WWOX: variants seen among roughly 807,000 people sequenced by gnomAD.
WWOX encodes the protein WW domain-containing oxidoreductase.
Under a neutral mutation model 46.2 loss-of-function variants are expected in WWOX, and 69 were observed. That is an observed-to-expected ratio of 1.49 (90% CI 1.23 to 1.82). WWOX has a LOEUF of 1.82. WWOX is among the 40% of genes most tolerant of loss of function. The pLI is 0.00. For missense variants in WWOX, 919 were observed against 542.6 expected, an observed-to-expected ratio of 1.69 and a Z score of -6.89; for synonymous variants, 359 against 202.6, an observed-to-expected ratio of 1.77 and a Z score of -6.56.
At chr16:79,067,000 C>T (rs1484253346) in intron 8 of WWOX, among the ~76,000 whole-genome samples, 4 of 152,192 alleles carry the variant, frequency 2.6e-5, no homozygotes, top group African/African-American at 9.6e-5. Flanking sequence ...GGGCATTCTG[C>T]ATGCCACAGT....
At chr16:79,017,921 A>G (rs896693333) in intron 8 of WWOX, among the ~76,000 whole-genome samples, 2 of 152,262 alleles carry the variant, frequency 1.3e-5, no homozygotes, top group African/African-American at 4.8e-5. Context: ...ATGAAGTAGT[A>G]AAACACATGT....
At chr16:78,913,468 G>T (rs1267180379) in intron 8 of WWOX, among the ~76,000 whole-genome samples, 2 of 151,886 alleles carry the variant, frequency 1.3e-5, no homozygotes, top group Admixed American at 6.6e-5. Flanking sequence ...CAGTCTTGAT[G>T]TGAACAAGCA....
intron 8 of WWOX, among the ~76,000 whole-genome samples, chr16:78,760,993 A>G (rs954786453): frequency 8.5e-5 from 13 of 152,116 alleles, no homozygotes; most frequent in African/African-American, 2.7e-4. Flanking sequence ...ATTCACTATC[A>G]TGAGCATAGC....
At position 78,345,761 on chromosome 16, in the gene WWOX, G is replaced by C. The variant is rs1435859197; in HGVS notation, c.517-41099G>C. Among the ~76,000 whole-genome samples the C allele has an allele frequency of 1.7e-5, 2 of 117,958 alleles. 1 individual carries two copies. Among genetic ancestry groups the C allele is most frequent in the African/African-American group, 5.8e-5 (2 of 34,764 alleles). 77.4% of individuals were successfully genotyped at this position (117,958 alleles called of 152,430 possible). Reference sequence around the variant, plus strand: ...ACTGCTGTTCTTAACTCTGAAAGCAGAGTGGGCCATTTGAATGCTCACTTT... The same window carrying C: ...ACTGCTGTTCTTAACTCTGAAAGCACAGTGGGCCATTTGAATGCTCACTTT... On this transcript the variant is annotated intron_variant, in intron 5 of 8. Transcript: ENST00000566780.
intron 8 of WWOX, among the ~76,000 whole-genome samples, chr16:79,119,967 C>G (rs995232187): frequency 9.2e-5 from 14 of 152,178 alleles, no homozygotes; most frequent in Non-Finnish European, 1.3e-4. Context: ...ATGGACAAGA[C>G]TCCACTTTCC....
intron 8 of WWOX, among the ~76,000 whole-genome samples, chr16:78,824,124 A>G (rs1253021161): frequency 6.6e-5 from 10 of 152,166 alleles, no homozygotes; most frequent in Non-Finnish European, 4.4e-5. Flanking sequence ...AAACCTTGAA[A>G]TAAAGTTTTT....
intron 8 of WWOX, among the ~76,000 whole-genome samples, chr16:78,774,494 TTTTGTG>T (rs1160612259): frequency 1.9e-5 from 2 of 106,502 alleles, no homozygotes; most frequent in African/African-American, 7.4e-5. Flanking sequence ...GACAGACCCA[TTTTGTG>T]TGTGTGTGTG....
At chr16:78,312,749 G>A (rs554591259) in intron 5 of WWOX, among the ~76,000 whole-genome samples, 27 of 152,178 alleles carry the variant, frequency 1.8e-4, no homozygotes, top group Non-Finnish European at 3.2e-4. Context: ...ACTGAAGGTC[G>A]TCTGGCTTTA....
intron 8 of WWOX, among the ~76,000 whole-genome samples, chr16:78,699,014 T>A (rs12917793): frequency 0.35 from 53,006 of 152,054 alleles, 11,312 homozygotes; most frequent in South Asian, 0.47. Context: ...GACTTTTTTT[T>A]AAATAAAATG....
At position 78,984,985 on chromosome 16, in the gene WWOX, GA is replaced by G. The variant is rs371065752; in HGVS notation, c.1057-226613del. Among the ~76,000 whole-genome samples, 76 of 149,900 alleles carry G rather than the reference GA, an allele frequency of 5.1e-4. 1 individual carries two copies. The highest frequency in any genetic ancestry group is 1.4e-3 in the African/African-American group (59 of 40,960). On this transcript the variant is annotated intron_variant, in intron 8 of 8. Coordinates refer to ENST00000566780, the MANE Select transcript of WWOX (RefSeq NM_016373.4). ...GATATGGACAGATACTGGGCAAAAG[GA>G]AAAAAAAAATATTGGATCCTTGCCC...
chr16:78,483,389 T>A (rs1170632521), intron 8 of WWOX, among the ~76,000 whole-genome samples: 2 of 149,582 alleles, frequency 1.3e-5, no homozygotes, highest in African/African-American at 2.5e-5. Flanking sequence ...TTTTTTTTTT[T>A]AATACTTTTC....
intron 8 of WWOX, among the ~76,000 whole-genome samples, chr16:79,164,900 A>T (rs1223222671): frequency 1.3e-5 from 2 of 152,096 alleles, no homozygotes; most frequent in South Asian, 4.1e-4. Context: ...GCAAACCCAC[A>T]CACCACAGAG....
At chr16:78,483,613 C>T (rs999327351) in intron 8 of WWOX, among the ~76,000 whole-genome samples, 1 of 152,106 alleles carries the variant, frequency 6.6e-6, no homozygotes, top group African/African-American at 2.4e-5. Context: ...ACCCCCTTCA[C>T]ATACTTATAC....
chr16:78,166,892 C>A (rs2034993801), intron 5 of WWOX: 1 of 152,402 alleles, frequency 6.6e-6, no homozygotes, highest in East Asian at 1.9e-4. Flanking sequence ...CTCCAATTTC[C>A]ATTCCCACTG....
At chr16:78,534,401 GA>G (rs2043705863) in intron 8 of WWOX, 1 of 152,168 alleles carries the variant, frequency 6.6e-6, no homozygotes, top group Non-Finnish European at 1.5e-5. Context: ...ACAACCAACT[GA>G]AAACCATTGA....
intron 5 of WWOX, among the ~76,000 whole-genome samples, chr16:78,386,274 C>A (rs1877012096): frequency 6.6e-6 from 1 of 152,312 alleles, no homozygotes. Flanking sequence ...TTATTCCTAT[C>A]ACCAGCATGT....
chr16:78,879,818 C>T (rs769576296), intron 8 of WWOX, among the ~76,000 whole-genome samples: 29 of 151,122 alleles, frequency 1.9e-4, no homozygotes, highest in Admixed American at 9.2e-4. Flanking sequence ...CAGAGGTTGC[C>T]GTGAGCTGAG....
At chr16:78,550,123 G>C (rs534811353) in intron 8 of WWOX, among the ~76,000 whole-genome samples, 2 of 152,204 alleles carry the variant, frequency 1.3e-5, no homozygotes, top group African/African-American at 4.8e-5. Context: ...AATTTCTTTG[G>C]TTCTTTAACA....
chr16:78,848,760 A>G (rs1417385000), intron 8 of WWOX, among the ~76,000 whole-genome samples: 1 of 151,956 alleles, frequency 6.6e-6, no homozygotes, highest in East Asian at 1.9e-4. Flanking sequence ...AATGCCATAC[A>G]TGAGATTCCC....
Sources: gnomAD v4.1 joint callset for allele counts (sites outside exome capture counted in the v4.1 genomes callset) on GRCh38, gnomAD v4.1.1 for gene constraint, MANE v1.5 for transcripts, NCBI Gene and HGNC (gene_info 2026-07-23, HGNC 2026-07-21) for gene names.